The following SGMS2 variants were observed in gnomAD, a reference collection of about 807,000 sequenced individuals.
The protein encoded by SGMS2 is sphingomyelin synthase 2.
SGMS2 carries 21 observed loss-of-function variants against 43.8 expected under a neutral mutation model. The ratio of observed to expected loss-of-function variants is 0.48; its 90% CI spans 0.34 to 0.69. The LOEUF (loss-of-function observed/expected upper bound fraction) is 0.69. Among genes scored for constraint, SGMS2 ranks in the 30% least tolerant of loss-of-function variants. The probability of loss-of-function intolerance (pLI) is 0.01; values close to 1 mark genes in which losing one functional copy is unlikely to be tolerated. For synonymous variants in SGMS2, 167 were observed against 160.6 expected (o/e 1.04, Z -0.30); for missense variants, 384 against 443.2 (o/e 0.87, Z 1.20).
intron 1 of SGMS2, among the ~76,000 whole-genome samples, chr4:107,832,109 T>G (rs1725923929): frequency 6.6e-6 from 1 of 152,188 alleles, no homozygotes; most frequent in Non-Finnish European, 1.5e-5. Context: ...GATATTTGCA[T>G]TTGTTCAGCG....
intron 2 of SGMS2, among the ~76,000 whole-genome samples, chr4:107,877,660 T>A (rs2126072428): frequency 6.6e-6 from 1 of 152,336 alleles, no homozygotes; most frequent in East Asian, 1.9e-4. Flanking sequence ...ACCACATATC[T>A]ATCCTGTAAA....
intron 6 of SGMS2, 145 bp downstream of exon 6, chr4:107,908,876 T>C: frequency 1.5e-6 from 1 of 658,276 alleles, no homozygotes; most frequent in Non-Finnish European, 2.4e-6. Context: ...CTTTTTAAAA[T>C]AAAGCAAAGA....
rs750647504 is a variant in SGMS2, at chr4:107,827,531, G to A, written c.-327+2278G>A. Reference sequence around the variant, plus strand: ...GCATTCTGAATGGTCTTGAATAGGGGCTCGTAAATTCTTTATGAGGCCGAA... The same window carrying A: ...GCATTCTGAATGGTCTTGAATAGGGACTCGTAAATTCTTTATGAGGCCGAA... On this transcript the variant is annotated intron_variant, in intron 1 of 6. Coordinates refer to ENST00000690982, the MANE Select transcript of SGMS2 (RefSeq NM_001375905.1). Among the ~76,000 whole-genome samples, 18 of 152,246 alleles carry A rather than the reference G, an allele frequency of 1.2e-4. No homozygotes were observed. In the South Asian group the frequency reaches 2.9e-3, roughly 25 times the overall value.
At chr4:107,843,211 A>G (rs1726622030) in intron 1 of SGMS2, among the ~76,000 whole-genome samples, 1 of 151,906 alleles carries the variant, frequency 6.6e-6, no homozygotes, top group Admixed American at 6.6e-5. Context: ...TTTTTTATAC[A>G]AGTAATTAGC....
intron 1 of SGMS2, among the ~76,000 whole-genome samples, chr4:107,828,912 A>C (rs1725741835): frequency 6.6e-6 from 1 of 152,192 alleles, no homozygotes. Flanking sequence ...GAACATACAA[A>C]CTTTCTTAAA....
chr4:107,871,914 A>G (rs59225996), intron 2 of SGMS2, among the ~76,000 whole-genome samples: 106,906 of 151,752 alleles, frequency 0.7, 38,324 homozygotes, highest in African/African-American at 0.83. Context: ...TTTTTAAAAA[A>G]CCTAATATGC....
At chr4:107,867,677 A>G (rs991584966) in intron 2 of SGMS2, 2 of 152,218 alleles carry the variant, frequency 1.3e-5, no homozygotes, top group Admixed American at 6.5e-5. Flanking sequence ...ATTTAACCTC[A>G]TAGAATTGTG....
At chr4:107,887,002 T>C (rs1054096218) in intron 2 of SGMS2, among the ~76,000 whole-genome samples, 4 of 152,190 alleles carry the variant, frequency 2.6e-5, no homozygotes, top group African/African-American at 9.6e-5. Flanking sequence ...TGTTAAAAGC[T>C]GTAAATAGCT....
At position 107,910,905 on chromosome 4, in the gene SGMS2, G is replaced by T; in HGVS notation, c.*352G>T. 1 of 202,000 alleles carries T rather than the reference G, an allele frequency of 5.0e-6. No homozygotes were observed. Among genetic ancestry groups the T allele is most frequent in the Non-Finnish European group, 1.0e-5 (1 of 99,062 alleles). The allele number at this position is 202,000 out of a possible 1,614,324, so 12.5% of individuals were successfully genotyped here. A position where few individuals can be genotyped will look rare whatever the true frequency, so the allele number is the denominator to read the frequency against. ...TTTTTCAGGATATTTTTCAGCCCAA[G>T]GTCAGAAGAATGTGTTAATATTTTA... On this transcript the variant is annotated 3_prime_UTR_variant, in exon 7 of 7. Coordinates refer to ENST00000690982, the MANE Select transcript of SGMS2 (RefSeq NM_001375905.1).
intron 1 of SGMS2, among the ~76,000 whole-genome samples, chr4:107,856,225 C>CA (rs570079444): frequency 1.1e-3 from 167 of 152,280 alleles, no homozygotes; most frequent in African/African-American, 3.8e-3. Flanking sequence ...ATACATTCTA[C>CA]ATATACTTTA....
intron 1 of SGMS2, among the ~76,000 whole-genome samples, chr4:107,832,377 T>C (rs1725938070): frequency 6.6e-6 from 1 of 152,244 alleles, no homozygotes. Context: ...CAAATACTTA[T>C]ATTCACTATG....
intron 2 of SGMS2, among the ~76,000 whole-genome samples, chr4:107,861,283 G>T (rs77918178): frequency 6.6e-6 from 1 of 152,168 alleles, no homozygotes; most frequent in Admixed American, 6.5e-5. Context: ...TTTATATTAA[G>T]CAGGTAGTCA....
chr4:107,869,454 C>T (rs1461755417), intron 2 of SGMS2, among the ~76,000 whole-genome samples: 2 of 152,040 alleles, frequency 1.3e-5, no homozygotes, highest in African/African-American at 4.8e-5. Context: ...GAAAAAAATA[C>T]TAGTTTCAAA....
chr4:107,860,715 G>T (rs551060785), intron 2 of SGMS2, among the ~76,000 whole-genome samples: 12 of 152,030 alleles, frequency 7.9e-5, no homozygotes, highest in Non-Finnish European at 1.6e-4. Context: ...AGTAGAGATG[G>T]GGTTTCGCCA....
chr4:107,866,148 G>T (rs541899145), intron 2 of SGMS2, among the ~76,000 whole-genome samples: 105 of 152,266 alleles, frequency 6.9e-4, no homozygotes, highest in South Asian at 3.3e-3. Context: ...TCTGAGATTA[G>T]CAAGGGCATG....
chr4:107,859,650 C>T (rs193210416), intron 2 of SGMS2, among the ~76,000 whole-genome samples: 4 of 152,110 alleles, frequency 2.6e-5, no homozygotes, highest in African/African-American at 9.6e-5. Flanking sequence ...GTCAGTGTTG[C>T]GAATGAGGCA....
intron 1 of SGMS2, among the ~76,000 whole-genome samples, chr4:107,849,902 C>T (rs1485987047): frequency 1.3e-5 from 2 of 152,052 alleles, no homozygotes; most frequent in African/African-American, 4.8e-5. Context: ...GTGTGTATCC[C>T]CACTGGAAAG....
intron 2 of SGMS2, among the ~76,000 whole-genome samples, chr4:107,871,608 GTTTAC>G (rs1487086837): frequency 6.6e-6 from 1 of 152,016 alleles, no homozygotes; most frequent in Middle Eastern, 3.2e-3. Flanking sequence ...TTGGCTGTCT[GTTTAC>G]TTTACCTTCT....
chr4:107,880,851 CAAA>C (rs758313839), intron 2 of SGMS2, among the ~76,000 whole-genome samples: 1,012 of 42,918 alleles, frequency 0.024, 16 homozygotes, highest in African/African-American at 0.074. Flanking sequence ...GAGACTGTCT[CAAA>C]AAAAAAAAAA....
Sources: allele counts gnomAD v4.1 joint callset (sites outside exome capture counted in the v4.1 genomes callset), GRCh38; gene constraint gnomAD v4.1.1; transcripts MANE v1.5; gene names NCBI Gene and HGNC (gene_info 2026-07-23, HGNC 2026-07-21).